RASEF: variants seen among roughly 807,000 people sequenced by gnomAD.
The protein encoded by RASEF is ras and EF-hand domain-containing protein.
In RASEF, 68 loss-of-function variants were observed where a neutral mutation model predicts 90.1. The observed-to-expected ratio is 0.75, with a 90% CI of 0.62 to 0.92. RASEF has a LOEUF of 0.92. Among genes scored for constraint, RASEF ranks in the 40% least tolerant of loss-of-function variants. RASEF has a pLI of 0.00. For synonymous variants in RASEF, 331 were observed against 345.2 expected (o/e 0.96, Z 0.46); for missense variants, 949 against 937.2 (o/e 1.01, Z -0.16).
the RASEF span, among the ~76,000 whole-genome samples, chr9:83,188,904 T>TTAC: frequency 6.6e-6 from 1 of 152,276 alleles, no homozygotes; most frequent in African/African-American, 2.4e-5. Flanking sequence ...TCCACAAATA[T>TTAC]TACTATGTCT....
chr9:83,195,717 G>A, the RASEF span, among the ~76,000 whole-genome samples: 1 of 152,194 alleles, frequency 6.6e-6, no homozygotes, highest in South Asian at 2.1e-4. Context: ...AGGCAGGGCA[G>A]GTTGGCTCGG....
At chr9:83,092,509 TC>T in the RASEF span, among the ~76,000 whole-genome samples, 1 of 151,892 alleles carries the variant, frequency 6.6e-6, no homozygotes, top group African/African-American at 2.4e-5. Context: ...CTGGAGTTGT[TC>T]GTTCCTCCCG....
chr9:83,193,529 C>T, the RASEF span, among the ~76,000 whole-genome samples: 1 of 152,198 alleles, frequency 6.6e-6, no homozygotes, highest in Non-Finnish European at 1.5e-5. Flanking sequence ...TTCAAATCCT[C>T]TCCATAATCT....
At chr9:83,037,608 T>C (rs1829766376) in intron 1 of RASEF, among the ~76,000 whole-genome samples, 1 of 152,182 alleles carries the variant, frequency 6.6e-6, no homozygotes. Flanking sequence ...AAATTTCAAA[T>C]ATATTGACAC....
At chr9:83,173,108 C>A in the RASEF span, among the ~76,000 whole-genome samples, 1 of 152,046 alleles carries the variant, frequency 6.6e-6, no homozygotes, top group South Asian at 2.1e-4. Context: ...GAGAAGTCTG[C>A]TGCCAGGTAT....
At position 83,062,835 on chromosome 9, in the gene RASEF, G is replaced by A; in HGVS notation, c.33C>T (p.Ala11=). The change falls in exon 1 of 17, where the codon GCC becomes GCT. Residue 11 remains alanine (A), a synonymous_variant. Transcript: ENST00000376447. ...AGGCGGCGAAGACTGAGCGCAGCCG[G>A]GCCAGCTCCTCTCCGTCCCCATCCG... MEADGDGEEL[A]RLRSVFAACD... is the part of the protein sequence containing the mutation. 3 of 1,545,804 alleles carry A rather than the reference G, an allele frequency of 1.9e-6. No homozygotes were observed. The highest frequency in any genetic ancestry group is 8.6e-7 in the Non-Finnish European group (1 of 1,157,156).
At chr9:83,147,074 C>G in the RASEF span, among the ~76,000 whole-genome samples, 1 of 142,574 alleles carries the variant, frequency 7.0e-6, no homozygotes, top group Non-Finnish European at 1.6e-5. Flanking sequence ...ATGTACATCT[C>G]ATAATATTTT....
At chr9:83,132,723 G>A in the RASEF span, among the ~76,000 whole-genome samples, 3 of 152,088 alleles carry the variant, frequency 2.0e-5, no homozygotes, top group Admixed American at 1.3e-4. Flanking sequence ...ATTTCCCCAA[G>A]CAACTATTTC....
chr9:83,148,255 G>A, the RASEF span, among the ~76,000 whole-genome samples: 8 of 152,106 alleles, frequency 5.3e-5, no homozygotes, highest in Non-Finnish European at 1.0e-4. Context: ...AATATCATGT[G>A]AGATATGTGT....
chr9:83,165,024 G>A, the RASEF span, among the ~76,000 whole-genome samples: 1 of 151,768 alleles, frequency 6.6e-6, no homozygotes, highest in African/African-American at 2.4e-5. Flanking sequence ...ACAGAACTAC[G>A]AGGAAAAAAA....
chr9:83,201,221 A>G, the RASEF span: 1 of 152,210 alleles, frequency 6.6e-6, no homozygotes, highest in Non-Finnish European at 1.5e-5. Context: ...CAGACTGTCC[A>G]TGTGTCCCTG....
the RASEF span, among the ~76,000 whole-genome samples, chr9:83,152,923 T>A: frequency 6.6e-6 from 1 of 152,210 alleles, no homozygotes; most frequent in East Asian, 1.9e-4. Context: ...CTATGGCAGT[T>A]AGTGACTGCA....
chr9:83,008,889 A>G (rs776215461), intron 6 of RASEF, among the ~76,000 whole-genome samples: 3 of 50,926 alleles, frequency 5.9e-5, no homozygotes, highest in African/African-American at 1.6e-4. Flanking sequence ...TGAAGTTCTC[A>G]TCATATATAT....
the RASEF span, among the ~76,000 whole-genome samples, chr9:83,112,699 A>G: frequency 6.6e-6 from 1 of 152,168 alleles, no homozygotes; most frequent in Non-Finnish European, 1.5e-5. Flanking sequence ...AAAAAAAAAA[A>G]AGTATGTTTT....
At chr9:83,134,200 C>T in the RASEF span, among the ~76,000 whole-genome samples, 1 of 152,068 alleles carries the variant, frequency 6.6e-6, no homozygotes, top group East Asian at 1.9e-4. Context: ...CTACTCTCAG[C>T]CACCTGACTA....
intron 16 of RASEF, 32 bp from the exon 17 acceptor site, chr9:82,982,814 AG>A (rs567224429): frequency 9.2e-7 from 1 of 1,083,468 alleles, no homozygotes; most frequent in Non-Finnish European, 1.4e-6. Context: ...ACAGAGAGAG[AG>A]AGAGAGAGAG....
In RASEF at chr9:83,037,332, G is replaced by A. The variant is rs980404276; in HGVS notation, c.432-11411C>T. Among the ~76,000 whole-genome samples the A allele has an allele frequency of 2.0e-5, 3 of 151,884 alleles. No homozygotes were observed. In the East Asian group the frequency reaches 5.8e-4, roughly 29 times the overall value. On this transcript the variant is annotated intron_variant, in intron 1 of 16. Transcript: ENST00000376447. Reference sequence around the variant, plus strand: ...GCTTCAAAAAAAAAAATAAACAGTTGCATCAATTCCAGCACTGGTTTGTTT... The same window carrying A: ...GCTTCAAAAAAAAAAATAAACAGTTACATCAATTCCAGCACTGGTTTGTTT...
chr9:83,055,768 G>A, intron 1 of RASEF: 1 of 661,474 alleles, frequency 1.5e-6, no homozygotes, highest in Non-Finnish European at 2.8e-6. Context: ...TTGCCAAAAT[G>A]AAAATAAGAA....
chr9:83,062,509 CCGCACGAGGT>C lies in RASEF; in HGVS notation c.349_358del (p.Thr117AlafsTer43). The C allele has an allele frequency of 6.2e-7, 1 of 1,611,044 alleles. No individual in the cohort carries two copies. Among genetic ancestry groups the C allele is most frequent in the Non-Finnish European group, 8.5e-7 (1 of 1,179,088 alleles). On this transcript the variant is annotated frameshift_variant, in exon 1 of 17. Coordinates refer to ENST00000376447, the MANE Select transcript of RASEF (RefSeq NM_152573.4). LOFTEE classifies it high-confidence loss of function. ...CCAAGCCCGGCCGGGACTCGCCGGGCCGCACGAGGTGGCCAGCGCCGCCGCCGCGTCCTCG... is the reference window on the plus strand; with the variant it reads ...CCAAGCCCGGCCGGGACTCGCCGGGCGGCCAGCGCCGCCGCCGCGTCCTCG...
Sources: gnomAD v4.1 joint callset for allele counts (sites outside exome capture counted in the v4.1 genomes callset) on GRCh38, gnomAD v4.1.1 for gene constraint, MANE v1.5 for transcripts, NCBI Gene and HGNC (gene_info 2026-07-23, HGNC 2026-07-21) for gene names.